The following KIF16B variants were observed in gnomAD, a reference collection of about 807,000 sequenced individuals.
The protein encoded by KIF16B is kinesin-like protein KIF16B.
Under a neutral mutation model 156.3 loss-of-function variants are expected in KIF16B, and 98 were observed. The ratio of observed to expected loss-of-function variants is 0.63; its 90% CI spans 0.53 to 0.74. The LOEUF (loss-of-function observed/expected upper bound fraction) is 0.74, where lower values mean the gene tolerates loss of function less well. Among genes scored for constraint, KIF16B ranks in the 30% least tolerant of loss-of-function variants. The pLI, the probability that KIF16B is intolerant of heterozygous loss-of-function variation, is 0.00. For synonymous variants in KIF16B, 564 were observed against 583.7 expected (o/e 0.97, Z 0.49); for missense variants, 1,421 against 1,606.5 (o/e 0.88, Z 1.97).
chr20:16,281,267 T>G (rs968053454), intron 25 of KIF16B, among the ~76,000 whole-genome samples: 2 of 152,202 alleles, frequency 1.3e-5, no homozygotes, highest in Non-Finnish European at 2.9e-5. Flanking sequence ...AGGAGTTCAG[T>G]GGCATTCCTC....
chr20:16,296,491 A>G (rs1412427931), intron 25 of KIF16B, among the ~76,000 whole-genome samples: 2 of 152,210 alleles, frequency 1.3e-5, no homozygotes, highest in East Asian at 1.9e-4. Context: ...TAAGTCTGCC[A>G]TCTTGAGTCG....
At chr20:16,382,131 C>T in intron 17 of KIF16B, 2 of 1,351,008 alleles carry the variant, frequency 1.5e-6, no homozygotes, top group Non-Finnish European at 2.0e-6. Flanking sequence ...AGGGAAAAGA[C>T]TGCCAGGGAG....
rs146714750 is a variant in KIF16B, at chr20:16,446,711, C to T, written c.1303-16729G>A. On this transcript the variant is annotated intron_variant, in intron 12 of 25. Transcript: ENST00000354981. ...AGTCCCTGGATTCTAATGTTAAATT[C>T]TAAACAGGGAAAATGCTGATCTAAT... 5.3e-5 allele frequency among the ~76,000 whole-genome samples: 8 copies of T among 152,216 alleles called. No homozygotes were observed. The East Asian group carries it at 1.5e-3, about 29-fold the overall frequency.
intron 25 of KIF16B, among the ~76,000 whole-genome samples, chr20:16,295,936 T>C (rs2063379870): frequency 6.6e-6 from 1 of 152,232 alleles, no homozygotes; most frequent in Admixed American, 6.5e-5. Flanking sequence ...ATGTTTTTTC[T>C]ACCACCAGTC....
intron 12 of KIF16B, among the ~76,000 whole-genome samples, chr20:16,456,247 C>A (rs2067209949): frequency 6.6e-6 from 1 of 152,152 alleles, no homozygotes. Flanking sequence ...CACATAAACC[C>A]TTGGCAGATT....
In KIF16B at chr20:16,477,377, T is replaced by C. The variant is rs145579268; in HGVS notation, c.1302+16914A>G. Among the ~76,000 whole-genome samples, 559 of 152,264 alleles carry C rather than the reference T, an allele frequency of 3.7e-3. 1 individual carries two copies. The highest frequency in any genetic ancestry group is 0.013 in the African/African-American group (538 of 41,558). On this transcript the variant is annotated intron_variant, in intron 12 of 25. Coordinates refer to ENST00000354981, the MANE Select transcript of KIF16B (RefSeq NM_024704.5). ...TGCCACAGTACTCTGAGGAGAACAG[T>C]GTTAAGACACCTTAAGACTCAAACA...
intron 3 of KIF16B, among the ~76,000 whole-genome samples, chr20:16,519,657 C>T (rs1383704315): frequency 2.6e-5 from 4 of 152,200 alleles, no homozygotes; most frequent in Non-Finnish European, 4.4e-5. Context: ...AGTTCCCAGG[C>T]GGTACTGATG....
chr20:16,452,589 A>T (rs1367865339), intron 12 of KIF16B, among the ~76,000 whole-genome samples: 1 of 152,118 alleles, frequency 6.6e-6, no homozygotes, highest in African/African-American at 2.4e-5. Flanking sequence ...TAATCCCAGC[A>T]CTTTAGGACG....
At chr20:16,347,507 T>C (rs1195695752) in intron 23 of KIF16B, among the ~76,000 whole-genome samples, 1 of 152,166 alleles carries the variant, frequency 6.6e-6, no homozygotes, top group Non-Finnish European at 1.5e-5. Context: ...AAGATAAATA[T>C]GGCTGTCCAA....
intron 12 of KIF16B, among the ~76,000 whole-genome samples, chr20:16,437,976 T>TAAAAAA (rs1175714230): frequency 3.1e-4 from 33 of 107,674 alleles, no homozygotes; most frequent in African/African-American, 1.0e-3. Context: ...CTACTAAAAA[T>TAAAAAA]AAAAAAAAAT....
At chr20:16,521,143 G>GT (rs1485023758) in intron 3 of KIF16B, among the ~76,000 whole-genome samples, 6 of 152,106 alleles carry the variant, frequency 3.9e-5, no homozygotes, top group African/African-American at 1.4e-4. Flanking sequence ...CACCAGCAAG[G>GT]GAACAAAACT....
chr20:16,379,420 AGG>A lies in KIF16B; in HGVS notation c.2580_2581del (p.Leu861ArgfsTer6). 2 of 1,612,700 alleles carry A rather than the reference AGG, an allele frequency of 1.2e-6. No homozygotes were observed. Among genetic ancestry groups the A allele is most frequent in the Non-Finnish European group, 1.7e-6 (2 of 1,179,644 alleles). On this transcript the variant is annotated frameshift_variant, in exon 19 of 26. Coordinates refer to ENST00000354981, the MANE Select transcript of KIF16B (RefSeq NM_024704.5). LOFTEE classifies it high-confidence loss of function. ...GTCATGTTCACATTTTAAACACTCT[AGG>A]ATCTCCTGTTCTTCTTGGACTTCTT...
At chr20:16,357,712 C>A (rs1032415979) in intron 22 of KIF16B, among the ~76,000 whole-genome samples, 8 of 152,192 alleles carry the variant, frequency 5.3e-5, no homozygotes, top group Non-Finnish European at 1.2e-4. Context: ...CCAGAGGACA[C>A]AAGGACATAT....
At chr20:16,361,709 T>C (rs2064555793) in intron 22 of KIF16B, among the ~76,000 whole-genome samples, 1 of 152,238 alleles carries the variant, frequency 6.6e-6, no homozygotes, top group South Asian at 2.1e-4. Flanking sequence ...ACCCAGAAGA[T>C]GGCAAACTGT....
At chr20:16,513,797 C>T (rs1043550140) in intron 4 of KIF16B, among the ~76,000 whole-genome samples, 1 of 151,492 alleles carries the variant, frequency 6.6e-6, no homozygotes, top group Non-Finnish European at 1.5e-5. Flanking sequence ...CAATAATGTT[C>T]ATGTTTCAGT....
chr20:16,291,084 G>A (rs745618691), intron 25 of KIF16B, among the ~76,000 whole-genome samples: 1 of 152,172 alleles, frequency 6.6e-6, no homozygotes, highest in Non-Finnish European at 1.5e-5. Context: ...TAAAATAGTC[G>A]TTGAACAAAT....
chr20:16,323,168 A>G (rs8114332), intron 24 of KIF16B, among the ~76,000 whole-genome samples: 6,082 of 151,954 alleles, frequency 0.04, 386 homozygotes, highest in African/African-American at 0.14. Flanking sequence ...TTTACTAGTC[A>G]TTTTCTTTAC....
At chr20:16,513,054 G>A (rs570122629) in intron 4 of KIF16B, 131 bp from the exon 5 acceptor site, 110 of 640,914 alleles carry the variant, frequency 1.7e-4, no homozygotes, top group African/African-American at 1.3e-3. Flanking sequence ...CACAGCCCAC[G>A]CCATATACCC....
At chr20:16,430,021 G>A (rs765714681) in intron 12 of KIF16B, 39 bp from the exon 13 acceptor site, 1 of 1,574,046 alleles carries the variant, frequency 6.4e-7, no homozygotes, top group Admixed American at 1.9e-5. Context: ...AGGTTACTTT[G>A]GGAAAAGAGA....
Sources: gnomAD v4.1 joint callset for allele counts (sites outside exome capture counted in the v4.1 genomes callset) on GRCh38, gnomAD v4.1.1 for gene constraint, MANE v1.5 for transcripts, NCBI Gene and HGNC (gene_info 2026-07-23, HGNC 2026-07-21) for gene names.